The following MTUS2 variants were observed in gnomAD, a reference collection of about 807,000 sequenced individuals.
MTUS2 encodes microtubule-associated tumor suppressor candidate 2.
MTUS2 carries 40 observed loss-of-function variants against 114.1 expected under a neutral mutation model. The observed-to-expected ratio is 0.35, with a 90% CI of 0.27 to 0.46. The LOEUF (loss-of-function observed/expected upper bound fraction) is 0.46. Ranked by LOEUF, MTUS2 falls within the 20% of genes least tolerant of loss-of-function variation. The pLI is 1.00. For missense variants in MTUS2, 1,679 were observed against 1,705.4 expected (o/e 0.98, Z 0.27); for synonymous variants, 688 against 672.0 (o/e 1.02, Z -0.37).
intron 5 of MTUS2, among the ~76,000 whole-genome samples, chr13:29,169,074 GCCTCAGTCTTGATTTCTGTGT>G (rs1351507173): frequency 6.6e-6 from 1 of 152,144 alleles, no homozygotes; most frequent in Non-Finnish European, 1.5e-5. Flanking sequence ...TAGGACAGCT[GCCTCAGTCTTGATTTCTGTGT>G]CCCAGGCTTG....
At chr13:29,098,611 TC>T (rs1029297595) in intron 4 of MTUS2, among the ~76,000 whole-genome samples, 4 of 152,204 alleles carry the variant, frequency 2.6e-5, no homozygotes, top group Non-Finnish European at 5.9e-5. Flanking sequence ...CTGCTTGTCC[TC>T]CCCGTCTCTA....
intron 4 of MTUS2, among the ~76,000 whole-genome samples, chr13:29,037,097 A>C (rs2987343): frequency 0.96 from 145,551 of 152,292 alleles, 69,660 homozygotes; most frequent in South Asian, 0.98. Flanking sequence ...GGAGTTTCTT[A>C]ATAGTGTTGA....
At chr13:29,041,393 T>C (rs539375584) in intron 4 of MTUS2, among the ~76,000 whole-genome samples, 9 of 152,296 alleles carry the variant, frequency 5.9e-5, no homozygotes, top group Non-Finnish European at 1.2e-4. Context: ...TGCCTCCAGA[T>C]TTGTTCTTTT....
intron 2 of MTUS2, among the ~76,000 whole-genome samples, chr13:29,015,895 A>G (rs1049414111): frequency 6.6e-6 from 1 of 152,114 alleles, no homozygotes. Context: ...TTTATAGCTA[A>G]TGAAGATTCG....
At chr13:29,010,166 G>A (rs1204798265) in intron 2 of MTUS2, among the ~76,000 whole-genome samples, 6 of 145,060 alleles carry the variant, frequency 4.1e-5, no homozygotes, top group Non-Finnish European at 7.4e-5. Context: ...AGGTGAGATC[G>A]CACCACTGCA....
At chr13:29,446,303 G>C (rs1878275609) in intron 9 of MTUS2, among the ~76,000 whole-genome samples, 1 of 152,114 alleles carries the variant, frequency 6.6e-6, no homozygotes, top group African/African-American at 2.4e-5. Flanking sequence ...GAAGTCATAG[G>C]GTTTTAGGGC....
Position 29,074,497 on chromosome 13 carries a change from C to T in MTUS2, c.2447-26276C>T, listed in dbSNP as rs149802778. 2.8e-3 allele frequency among the ~76,000 whole-genome samples: 420 copies of T among 152,266 alleles called. 2 individuals carry two copies. Among genetic ancestry groups the T allele is most frequent in the African/African-American group, 9.3e-3 (387 of 41,520 alleles). On this transcript the variant is annotated intron_variant, in intron 4 of 15. Coordinates refer to ENST00000612955, the MANE Select transcript of MTUS2 (RefSeq NM_001033602.4). ...ATTTCATAAGAGCTGTCATGGCACGCGGTGTACATTCAATGATTATTTCTC... is the reference window on the plus strand; with the variant it reads ...ATTTCATAAGAGCTGTCATGGCACGTGGTGTACATTCAATGATTATTTCTC...
intron 2 of MTUS2, among the ~76,000 whole-genome samples, chr13:28,995,957 G>A (rs1206079398): frequency 6.6e-6 from 1 of 152,090 alleles, no homozygotes; most frequent in African/African-American, 2.4e-5. Flanking sequence ...GTGACAGAGG[G>A]GATCCCTGTC....
intron 15 of MTUS2, 58 bp from the exon 16 acceptor site, chr13:29,502,935 C>G: frequency 6.4e-7 from 1 of 1,558,604 alleles, no homozygotes; most frequent in Non-Finnish European, 8.8e-7. Flanking sequence ...ATTGTCCTGA[C>G]CTCAGGTTCA....
At chr13:29,199,606 G>C (rs909560493) in intron 5 of MTUS2, among the ~76,000 whole-genome samples, 1 of 152,074 alleles carries the variant, frequency 6.6e-6, no homozygotes, top group African/African-American at 2.4e-5. Context: ...ATTTTATTGA[G>C]GATTTTCTCA....
At chr13:28,935,344 T>C (rs776970636) in intron 2 of MTUS2, among the ~76,000 whole-genome samples, 2 of 152,132 alleles carry the variant, frequency 1.3e-5, no homozygotes, top group Non-Finnish European at 2.9e-5. Flanking sequence ...TTAGGAGAGA[T>C]TGCCAAACGT....
intron 2 of MTUS2, among the ~76,000 whole-genome samples, chr13:29,019,707 A>G (rs1886215827): frequency 6.6e-6 from 1 of 152,214 alleles, no homozygotes; most frequent in Non-Finnish European, 1.5e-5. Flanking sequence ...CATTCTTAGA[A>G]TGCGTGGTTA....
intron 2 of MTUS2, among the ~76,000 whole-genome samples, chr13:28,940,730 T>C (rs894174015): frequency 6.6e-6 from 1 of 151,682 alleles, no homozygotes; most frequent in Non-Finnish European, 1.5e-5. Flanking sequence ...AACTAGAAAA[T>C]AGATTAATGT....
At chr13:29,235,351 C>T (rs1896496826) in intron 5 of MTUS2, among the ~76,000 whole-genome samples, 1 of 152,104 alleles carries the variant, frequency 6.6e-6, no homozygotes, top group African/African-American at 2.4e-5. Context: ...CCTCGGCCTC[C>T]CAAAGTGCTG....
chr13:29,427,658 C>T (rs1876650316), intron 8 of MTUS2, among the ~76,000 whole-genome samples: 1 of 152,184 alleles, frequency 6.6e-6, no homozygotes, highest in Non-Finnish European at 1.5e-5. Context: ...TTGCCTTTCT[C>T]TGAGCCTATA....
intron 1 of MTUS2, among the ~76,000 whole-genome samples, chr13:28,826,157 A>G (rs1874254383): frequency 6.6e-6 from 1 of 152,182 alleles, no homozygotes; most frequent in African/African-American, 2.4e-5. Flanking sequence ...GTAACCAAGC[A>G]CTTTTCAAGC....
At chr13:29,136,320 C>T (rs1178567490) in intron 5 of MTUS2, among the ~76,000 whole-genome samples, 1 of 152,166 alleles carries the variant, frequency 6.6e-6, no homozygotes, top group Non-Finnish European at 1.5e-5. Flanking sequence ...GTCATTGTCC[C>T]TGTTTACTGG....
intron 9 of MTUS2, among the ~76,000 whole-genome samples, chr13:29,471,070 G>T (rs2997403): frequency 5.9e-5 from 9 of 151,954 alleles, no homozygotes; most frequent in African/African-American, 1.9e-4. Flanking sequence ...TGGCGGGGCG[G>T]GGTGGCTCAC....
At chr13:29,193,976 A>C (rs1894558917) in intron 5 of MTUS2, among the ~76,000 whole-genome samples, 1 of 152,044 alleles carries the variant, frequency 6.6e-6, no homozygotes, top group African/African-American at 2.4e-5. Context: ...CAAACCTGAG[A>C]AAAACAAGCA....
Sources: allele counts gnomAD v4.1 joint callset (sites outside exome capture counted in the v4.1 genomes callset), GRCh38; gene constraint gnomAD v4.1.1; transcripts MANE v1.5; gene names NCBI Gene and HGNC (gene_info 2026-07-23, HGNC 2026-07-21).